The following PHLDB2 variants were observed in gnomAD, a reference collection of about 807,000 sequenced individuals.
The protein encoded by PHLDB2 is pleckstrin homology-like domain family B member 2.
Under a neutral mutation model 123.6 loss-of-function variants are expected in PHLDB2, and 71 were observed. That is an observed-to-expected ratio of 0.57 (90% CI 0.47 to 0.70). PHLDB2 has a LOEUF of 0.70. PHLDB2 is among the 30% of genes least tolerant of loss of function. The pLI is 0.00. For missense variants in PHLDB2, 1,446 were observed against 1,519.5 expected, an observed-to-expected ratio of 0.95 and a Z score of 0.80; for synonymous variants, 547 against 541.6, an observed-to-expected ratio of 1.01 and a Z score of -0.14.
chr3:111,849,560 C>T (rs180997796), intron 2 of PHLDB2, among the ~76,000 whole-genome samples: 6 of 152,256 alleles, frequency 3.9e-5, no homozygotes, highest in Admixed American at 2.6e-4. Context: ...AGAGAATGAC[C>T]TTTTAAATAG....
chr3:111,775,057 A>T (rs1334993865), intron 1 of PHLDB2, among the ~76,000 whole-genome samples: 1 of 152,214 alleles, frequency 6.6e-6, no homozygotes, highest in African/African-American at 2.4e-5. Context: ...AAGAATTCCT[A>T]ATAATGAGAT....
intron 2 of PHLDB2, among the ~76,000 whole-genome samples, chr3:111,888,711 T>C: frequency 6.6e-6 from 1 of 152,216 alleles, no homozygotes; most frequent in Non-Finnish European, 1.5e-5. Flanking sequence ...CATTTTAGTT[T>C]TACATTAACA....
At chr3:111,893,795 T>C (rs1190887063) in intron 2 of PHLDB2, among the ~76,000 whole-genome samples, 4 of 149,800 alleles carry the variant, frequency 2.7e-5, no homozygotes, top group African/African-American at 4.9e-5. Context: ...AGGTATAATA[T>C]ATTTGACAGC....
chr3:111,859,790 C>T, intron 1 of PHLDB2: 1 of 980,852 alleles, frequency 1.0e-6, no homozygotes, highest in Non-Finnish European at 1.2e-6. Context: ...GGCGGGCTCA[C>T]GGAGGGAGAC....
intron 1 of PHLDB2, among the ~76,000 whole-genome samples, chr3:111,840,190 T>C (rs2063618104): frequency 6.6e-6 from 1 of 151,918 alleles, no homozygotes; most frequent in African/African-American, 2.4e-5. Context: ...AGGTTGAGGC[T>C]GCAATGAGCT....
intron 2 of PHLDB2, chr3:111,885,767 A>G: frequency 1.7e-6 from 1 of 592,734 alleles, no homozygotes; most frequent in Admixed American, 3.1e-5. Context: ...TGTATTATTT[A>G]TATCATTAAA....
chr3:111,951,097 A>G (rs147823097), intron 10 of PHLDB2, among the ~76,000 whole-genome samples: 1 of 152,284 alleles, frequency 6.6e-6, no homozygotes, highest in African/African-American at 2.4e-5. Flanking sequence ...AGAATTTATA[A>G]TATTTGGTCA....
intron 2 of PHLDB2, among the ~76,000 whole-genome samples, chr3:111,910,746 C>G (rs2067839380): frequency 6.6e-6 from 1 of 152,224 alleles, no homozygotes; most frequent in Admixed American, 6.5e-5. Context: ...ACAGTAATTT[C>G]TGTTCAGAGT....
chr3:111,902,660 C>T (rs1365759746), intron 2 of PHLDB2, among the ~76,000 whole-genome samples: 4 of 151,668 alleles, frequency 2.6e-5, no homozygotes, highest in African/African-American at 9.7e-5. Flanking sequence ...TTCTTTGAGG[C>T]GGGGGTCTCC....
intron 1 of PHLDB2, among the ~76,000 whole-genome samples, chr3:111,780,399 A>AGAAGAAGAAGAAGAAGAAG (rs1553726797): frequency 0.053 from 3,933 of 74,438 alleles, 1,437 homozygotes; most frequent in East Asian, 0.093. Context: ...AAGAAGAAGA[A>AGAAGAAGAAGAAGAAGAAG]GAAGAAGAAG....
At chr3:111,916,165 T>C (rs1194851725) in intron 3 of PHLDB2, 1 of 152,160 alleles carries the variant, frequency 6.6e-6, no homozygotes, top group Non-Finnish European at 1.5e-5. Flanking sequence ...CTCAAGCGTG[T>C]AATTGTGGAA....
At chr3:111,891,684 C>T (rs1390720563) in intron 2 of PHLDB2, among the ~76,000 whole-genome samples, 1 of 151,946 alleles carries the variant, frequency 6.6e-6, no homozygotes, top group Non-Finnish European at 1.5e-5. Flanking sequence ...TCCATGAGAC[C>T]AATCCTGTTG....
intron 1 of PHLDB2, among the ~76,000 whole-genome samples, chr3:111,842,809 C>T (rs2063753485): frequency 1.3e-5 from 2 of 152,184 alleles, no homozygotes; most frequent in Admixed American, 1.3e-4. Flanking sequence ...TATTTTCTGT[C>T]TCTATAGATT....
Position 111,883,822 on chromosome 3 carries a change from C to T in PHLDB2, c.-14-242C>T, listed in dbSNP as rs558970460. On this transcript the variant is annotated intron_variant, in intron 1 of 17. Coordinates refer to ENST00000431670, the MANE Select transcript of PHLDB2 (RefSeq NM_001134438.2). ...CCTTTACTTGGTTAGGGATTTGTTT[C>T]GCTCAAATGTCATTGCTGTCCTTTT... 9.7e-4 allele frequency: 416 copies of T among 426,908 alleles called. 1 individual carries two copies. Among genetic ancestry groups the T allele is most frequent in the Middle Eastern group, 1.9e-3 (3 of 1,600 alleles). The allele number at this position is 426,908 out of a possible 1,614,324, so 26.4% of individuals were successfully genotyped here. A position where few individuals can be genotyped will look rare whatever the true frequency, so the allele number is the denominator to read the frequency against.
chr3:111,771,293 T>G (rs6807045), intron 1 of PHLDB2, among the ~76,000 whole-genome samples: 131,546 of 152,018 alleles, frequency 0.87, 57,822 homozygotes, highest in East Asian at 1. Flanking sequence ...CTGGTGGTTT[T>G]CTGTTACACT....
At chr3:111,859,202 C>G (rs1345516879), upstream of PHLDB2, 2 of 985,220 alleles carry the variant, frequency 2.0e-6, no homozygotes, top group Non-Finnish European at 2.4e-6. Flanking sequence ...AATCATCACC[C>G]TAGGACGTAA....
At position 111,783,442 on chromosome 3, in the gene PHLDB2, A is replaced by G. The variant is rs542398759; in HGVS notation, c.-49+50739A>G. Among the ~76,000 whole-genome samples the G allele has an allele frequency of 7.8e-4, 118 of 152,250 alleles. 2 individuals carry two copies. In the South Asian group the frequency reaches 0.022, roughly 29 times the overall value. Reference sequence around the variant, plus strand: ...ACTGAGGCTTGGAGAAAAAAATAAAATAAAATAATTGAAAAAACACTACTA... The same window carrying G: ...ACTGAGGCTTGGAGAAAAAAATAAAGTAAAATAATTGAAAAAACACTACTA... On this transcript the variant is annotated intron_variant, in intron 1 of 17. Coordinates refer to the PHLDB2 transcript ENST00000393923.
In PHLDB2 at chr3:111,932,348, A is replaced by G. The variant is rs1041719469; in HGVS notation, c.2081A>G (p.Asp694Gly). ...ELYSEQKTQLDNCPESMREQL... is the reference protein window; with the variant it reads ...ELYSEQKTQLGNCPESMREQL... ...TACTCCGAGCAGAAGACCCAGCTGGACAATTGTCCTGAGTCCATGAGGGAA... is the reference window on the plus strand; with the variant it reads ...TACTCCGAGCAGAAGACCCAGCTGGGCAATTGTCCTGAGTCCATGAGGGAA... The change falls in exon 6 of 18, where the codon GAC (aspartate) becomes GGC (glycine). Residue 694 changes from aspartate (D) to glycine (G), a missense_variant. Asp to Gly is a moderately conservative substitution (Grantham distance 94). Transcript: ENST00000431670. 1.3e-6 allele frequency: 2 copies of G among 1,551,774 alleles called. No individual in the cohort carries two copies. The highest frequency in any genetic ancestry group is 8.7e-7 in the Non-Finnish European group (1 of 1,146,880).
intron 2 of PHLDB2, among the ~76,000 whole-genome samples, chr3:111,902,147 A>G (rs760193915): frequency 1.3e-5 from 2 of 152,244 alleles, no homozygotes; most frequent in Non-Finnish European, 2.9e-5. Context: ...AGGATCCTAG[A>G]TAAATGGTAA....
Sources: gnomAD v4.1 joint callset for allele counts (sites outside exome capture counted in the v4.1 genomes callset) on GRCh38, gnomAD v4.1.1 for gene constraint, MANE v1.5 for transcripts, NCBI Gene and HGNC (gene_info 2026-07-23, HGNC 2026-07-21) for gene names.